Variants in VCAN observed in about 807,000 individuals in gnomAD.
VCAN encodes versican.
Under a neutral mutation model 245.5 loss-of-function variants are expected in VCAN, and 44 were observed. That is an observed-to-expected ratio of 0.18 (90% CI 0.14 to 0.23). The LOEUF is 0.23. Among genes scored for constraint, VCAN ranks in the 10% least tolerant of loss-of-function variants. VCAN has a pLI of 1.00. For missense variants in VCAN, 3,793 were observed against 4,057.9 expected, an observed-to-expected ratio of 0.93 and a Z score of 1.77; for synonymous variants, 1,413 against 1,437.0, an observed-to-expected ratio of 0.98 and a Z score of 0.38.
chr5:83,578,582 G>A (rs140742575), intron 13 of VCAN, among the ~76,000 whole-genome samples: 31 of 152,172 alleles, frequency 2.0e-4, no homozygotes, highest in African/African-American at 7.5e-4. Context: ...CATTGCAGAA[G>A]GATATGGTTG....
intron 5 of VCAN, among the ~76,000 whole-genome samples, chr5:83,498,629 G>A (rs1239889183): frequency 1.3e-5 from 2 of 152,096 alleles, no homozygotes; most frequent in African/African-American, 4.8e-5. Context: ...TGGGACATAT[G>A]GGGCATGAAA....
chr5:83,512,491 G>A, intron 6 of VCAN, 95 bp downstream of exon 6: 3 of 1,420,334 alleles, frequency 2.1e-6, no homozygotes, highest in South Asian at 1.3e-5. Flanking sequence ...TGGATTCCAT[G>A]TCTTGCAGTG....
At chr5:83,489,867 A>T (rs933069650) in intron 2 of VCAN, among the ~76,000 whole-genome samples, 5 of 151,744 alleles carry the variant, frequency 3.3e-5, no homozygotes, top group Non-Finnish European at 5.9e-5. Context: ...AAAAAATTTT[A>T]AAATGAATGA....
chr5:83,475,686 T>C (rs1179287777), intron 1 of VCAN, among the ~76,000 whole-genome samples: 2 of 152,212 alleles, frequency 1.3e-5, no homozygotes, highest in African/African-American at 2.4e-5. Context: ...AGAATTGTAT[T>C]GTCTGCCCGC....
In VCAN at chr5:83,510,565, C is replaced by T. The variant is rs184102276; in HGVS notation, c.749-1538C>T. ...CTTTCTGTTTCAGTTTTCATTTCTC[C>T]TCCTGACTGTGATATTGGCTTAGGT... On this transcript the variant is annotated intron_variant, in intron 5 of 14. Coordinates refer to ENST00000265077, the MANE Select transcript of VCAN (RefSeq NM_004385.5). 3.3e-5 allele frequency among the ~76,000 whole-genome samples: 5 copies of T among 152,310 alleles called. No individual in the cohort carries two copies. In the East Asian group the frequency reaches 7.7e-4, roughly 24 times the overall value.
At chr5:83,546,962 A>G (rs992916864) in intron 9 of VCAN, among the ~76,000 whole-genome samples, 5 of 152,348 alleles carry the variant, frequency 3.3e-5, no homozygotes, top group African/African-American at 4.8e-5. Flanking sequence ...AAAGATTAGA[A>G]TCTGTGTAGA....
intron 7 of VCAN, among the ~76,000 whole-genome samples, chr5:83,527,564 T>G (rs77161121): frequency 0.013 from 1,989 of 152,314 alleles, 34 homozygotes; most frequent in South Asian, 0.036. Flanking sequence ...ACTTAATGAT[T>G]CTAAATTATC....
At chr5:83,500,256 A>G (rs1229530668) in intron 5 of VCAN, among the ~76,000 whole-genome samples, 2 of 152,128 alleles carry the variant, frequency 1.3e-5, no homozygotes, top group South Asian at 2.1e-4. Context: ...ATCTCTTCAC[A>G]TTTGTTGCAG....
In VCAN at chr5:83,520,511, T is replaced by C; in HGVS notation, c.2205T>C (p.His735=). The C allele has an allele frequency of 6.2e-7, 1 of 1,614,056 alleles. No individual in the cohort carries two copies. Among genetic ancestry groups the C allele is most frequent in the Non-Finnish European group, 8.5e-7 (1 of 1,179,966 alleles). The change falls in exon 7 of 15, where the codon CAT becomes CAC. Residue 735 remains histidine (H), a synonymous_variant. Coordinates refer to ENST00000265077, the MANE Select transcript of VCAN (RefSeq NM_004385.5). ...CTACATCTCTCTCAGAGCCAATTCA[T>C]GTTACAGAGTCTTCTGTGGAAATGA... is the stretch of plus-strand genomic sequence containing the variant. ...KLSTSLSEPI[H]VTESSVEMTK...
chr5:83,491,565 T>TTC (rs143570594), intron 3 of VCAN, among the ~76,000 whole-genome samples: 157 of 150,264 alleles, frequency 1.0e-3, no homozygotes, highest in Middle Eastern at 3.4e-3. Flanking sequence ...CTACTGTGAT[T>TTC]TCTCTCTCTC....
intron 1 of VCAN, among the ~76,000 whole-genome samples, chr5:83,482,426 CTT>C (rs1489518964): frequency 2.0e-5 from 3 of 152,164 alleles, no homozygotes; most frequent in African/African-American, 7.2e-5. Context: ...CTATAATTGA[CTT>C]AGGATATCAA....
chr5:83,542,277 A>G lies in VCAN; in HGVS notation c.9265+9A>G, dbSNP rs1747036742. On this transcript the variant is annotated intron_variant, in intron 8 of 14. Coordinates refer to ENST00000265077, the MANE Select transcript of VCAN (RefSeq NM_004385.5). ...GGCAATCTATTTACCAGGTAAGATC[A>G]CAACATTGATAAATCTGTTTCCAAA... 2 of 1,609,982 alleles carry G rather than the reference A, an allele frequency of 1.2e-6. No individual in the cohort carries two copies. Among genetic ancestry groups the G allele is most frequent in the Admixed American group, 3.3e-5 (2 of 59,964 alleles).
At chr5:83,568,029 G>A (rs1012270687) in intron 12 of VCAN, among the ~76,000 whole-genome samples, 1 of 152,122 alleles carries the variant, frequency 6.6e-6, no homozygotes, top group Non-Finnish European at 1.5e-5. Context: ...TGTGCAAGAA[G>A]ATCTATTACC....
intron 13 of VCAN, among the ~76,000 whole-genome samples, chr5:83,577,163 A>G (rs528603175): frequency 2.0e-5 from 3 of 152,220 alleles, no homozygotes; most frequent in Non-Finnish European, 4.4e-5. Flanking sequence ...CAGGCTTCCA[A>G]ATTAATCCGC....
chr5:83,580,195 T>C (rs1246244061), intron 14 of VCAN, 33 bp downstream of exon 14: 2 of 1,614,026 alleles, frequency 1.2e-6, no homozygotes, highest in South Asian at 2.2e-5. Flanking sequence ...TGGACTACCG[T>C]GCTATAACAA....
In VCAN at chr5:83,537,701, A is replaced by C; in HGVS notation, c.4698A>C (p.Thr1566=). Residue 1566 remains threonine, a synonymous_variant, in exon 8 of 15, where the codon ACA becomes ACC. Coordinates refer to ENST00000265077, the MANE Select transcript of VCAN (RefSeq NM_004385.5). ...AGAAAATAGCCTTTGCAAGGGCTAC[A>C]GAAGTAACATTTGGTGAAGAGGTAG... ...ESQKIAFARA[T]EVTFGEEVEK... 2 of 1,614,006 alleles carry C rather than the reference A, an allele frequency of 1.2e-6. No individual in the cohort carries two copies. The highest frequency in any genetic ancestry group is 1.7e-6 in the Non-Finnish European group (2 of 1,179,952).
At chr5:83,532,706 C>T (rs995183371) in intron 7 of VCAN, among the ~76,000 whole-genome samples, 30 of 151,816 alleles carry the variant, frequency 2.0e-4, no homozygotes, top group African/African-American at 7.0e-4. Context: ...AGATCAACAA[C>T]CTGTCTAAAA....
At chr5:83,574,432 T>C (rs1748403279) in intron 13 of VCAN, among the ~76,000 whole-genome samples, 1 of 152,176 alleles carries the variant, frequency 6.6e-6, no homozygotes, top group Admixed American at 6.6e-5. Context: ...CAAGGTAATA[T>C]AATAATTTCT....
intron 7 of VCAN, chr5:83,536,090 G>A (rs1746695279): frequency 6.6e-6 from 1 of 152,062 alleles, no homozygotes; most frequent in East Asian, 1.9e-4. Context: ...TTAGTGGTTG[G>A]TACCATATGG....
Sources: gnomAD v4.1 joint callset for allele counts (sites outside exome capture counted in the v4.1 genomes callset) on GRCh38, gnomAD v4.1.1 for gene constraint, MANE v1.5 for transcripts, NCBI Gene and HGNC (gene_info 2026-07-23, HGNC 2026-07-21) for gene names.